HDAC4: variants seen among roughly 807,000 people sequenced by gnomAD.
HDAC4 encodes histone deacetylase 4, also known as histone deacetylase A.
Under a neutral mutation model 135.1 loss-of-function variants are expected in HDAC4, and 16 were observed. That is an observed-to-expected ratio of 0.12 (90% confidence interval 0.08 to 0.18). The LOEUF (loss-of-function observed/expected upper bound fraction) is 0.18. HDAC4 is among the 10% of genes least tolerant of loss of function. HDAC4 has a pLI of 1.00. For synonymous variants in HDAC4, 685 were observed against 653.4 expected, an observed-to-expected ratio of 1.05 and a Z score of -0.74; for missense variants, 1,143 against 1,511.8, an observed-to-expected ratio of 0.76 and a Z score of 4.05.
intron 2 of HDAC4, among the ~76,000 whole-genome samples, chr2:239,337,024 C>T (rs1397835328): frequency 6.6e-6 from 1 of 152,134 alleles, no homozygotes; most frequent in African/African-American, 2.4e-5. Context: ...AGGGTGTCTA[C>T]TGGAATTTGT....
chr2:239,231,941 T>G (rs79615686), intron 3 of HDAC4, among the ~76,000 whole-genome samples: 1 of 127,250 alleles, frequency 7.9e-6, no homozygotes, highest in East Asian at 2.3e-4. Context: ...CTCTCCTCAA[T>G]CGAGGCTGCT....
At chr2:239,326,304 T>G (rs2053468500) in intron 2 of HDAC4, among the ~76,000 whole-genome samples, 1 of 152,076 alleles carries the variant, frequency 6.6e-6, no homozygotes, top group South Asian at 2.1e-4. Context: ...AGAAGGGCCC[T>G]AGAGGAGTCA....
intron 2 of HDAC4, among the ~76,000 whole-genome samples, chr2:239,295,640 T>C (rs900885028): frequency 3.5e-4 from 53 of 152,204 alleles, no homozygotes; most frequent in African/African-American, 1.2e-3. Flanking sequence ...AATTTGCTGT[T>C]TCCTTTCAAG....
intron 2 of HDAC4, among the ~76,000 whole-genome samples, chr2:239,321,701 G>A (rs2053318730): frequency 6.6e-6 from 1 of 151,988 alleles, no homozygotes; most frequent in African/African-American, 2.4e-5. Flanking sequence ...TTTCTTCTAA[G>A]GTCTGACATT....
intron 4 of HDAC4, among the ~76,000 whole-genome samples, chr2:239,188,580 C>A (rs1376207866): frequency 6.6e-6 from 1 of 152,252 alleles, no homozygotes; most frequent in South Asian, 2.1e-4. Flanking sequence ...TGATGCCCTA[C>A]ATCTGTGCTG....
At chr2:239,284,973 T>G (rs983160437) in intron 2 of HDAC4, among the ~76,000 whole-genome samples, 1 of 152,046 alleles carries the variant, frequency 6.6e-6, no homozygotes, top group Non-Finnish European at 1.5e-5. Flanking sequence ...TGAGAGGATA[T>G]TCACAATGAA....
intron 24 of HDAC4, among the ~76,000 whole-genome samples, chr2:239,064,943 A>G (rs1205508603): frequency 6.6e-6 from 1 of 152,198 alleles, no homozygotes; most frequent in Non-Finnish European, 1.5e-5. Flanking sequence ...TTTCCAGAAC[A>G]ATGCGAACGA....
intron 9 of HDAC4, among the ~76,000 whole-genome samples, chr2:239,135,075 T>C (rs1055297806): frequency 1.8e-4 from 27 of 152,338 alleles, no homozygotes; most frequent in African/African-American, 6.3e-4. Context: ...GAAATAACAT[T>C]TAACTGTACA....
chr2:239,074,942 G>A (rs1021857525), intron 22 of HDAC4, among the ~76,000 whole-genome samples: 4 of 151,934 alleles, frequency 2.6e-5, no homozygotes, highest in African/African-American at 4.8e-5. Context: ...ACTCAGTCTC[G>A]GCCGGGCACG....
chr2:239,067,574 G>A (rs983988163), intron 23 of HDAC4, among the ~76,000 whole-genome samples: 6 of 152,250 alleles, frequency 3.9e-5, no homozygotes, highest in African/African-American at 1.4e-4. Flanking sequence ...TGTGGTGGCC[G>A]CGGTGCTCCG....
intron 15 of HDAC4, among the ~76,000 whole-genome samples, chr2:239,103,242 G>A (rs1243138324): frequency 1.3e-5 from 2 of 151,972 alleles, no homozygotes; most frequent in Non-Finnish European, 2.9e-5. Context: ...TAAAATAGAG[G>A]TGAGCTGCTG....
At position 239,108,426 on chromosome 2, in the gene HDAC4, A is replaced by G. The variant is rs3828202; in HGVS notation, c.1979-243T>C. ...CTGCCTGTCACTCATGCTCACAGTA[A>G]CGCCCCAGGACCCAGGCAGGGACGT... On this transcript the variant is annotated intron_variant, in intron 14 of 26. Transcript: ENST00000543185. 0.57 allele frequency among the ~76,000 whole-genome samples: 86,674 copies of G among 152,052 alleles called. 26,476 individuals carry two copies. The highest frequency in any genetic ancestry group is 0.76 in the South Asian group (3,671 of 4,826).
At chr2:239,333,925 A>T (rs890302920) in intron 2 of HDAC4, among the ~76,000 whole-genome samples, 3 of 152,204 alleles carry the variant, frequency 2.0e-5, no homozygotes, top group African/African-American at 7.2e-5. Flanking sequence ...TACTACTACC[A>T]ATGACTGATA....
intron 2 of HDAC4, among the ~76,000 whole-genome samples, chr2:239,281,574 G>A (rs1477630678): frequency 7.5e-6 from 1 of 133,702 alleles, no homozygotes; most frequent in African/African-American, 2.9e-5. Flanking sequence ...ACTCTACAAT[G>A]TACACACCAC....
At chr2:239,286,658 T>G (rs981339027) in intron 2 of HDAC4, among the ~76,000 whole-genome samples, 1 of 151,964 alleles carries the variant, frequency 6.6e-6, no homozygotes, top group South Asian at 2.1e-4. Context: ...AACAGGGTGC[T>G]CCACACCCAA....
At chr2:239,293,916 G>GC (rs2051689492) in intron 2 of HDAC4, among the ~76,000 whole-genome samples, 1 of 152,242 alleles carries the variant, frequency 6.6e-6, no homozygotes, top group African/African-American at 2.4e-5. Flanking sequence ...TATTTGCTAA[G>GC]CACCTGTTAG....
At chr2:239,123,386 G>A (rs1053225591) in intron 12 of HDAC4, among the ~76,000 whole-genome samples, 7 of 152,212 alleles carry the variant, frequency 4.6e-5, no homozygotes, top group Non-Finnish European at 7.3e-5. Flanking sequence ...GCTTGGGGGT[G>A]GAGGGGCATG....
At chr2:239,103,807 A>G (rs774377459) in intron 15 of HDAC4, among the ~76,000 whole-genome samples, 4 of 152,202 alleles carry the variant, frequency 2.6e-5, no homozygotes, top group Non-Finnish European at 5.9e-5. Flanking sequence ...CTCCTCTCAG[A>G]CCACCAGGAG....
chr2:239,389,519 A>C (rs922000299), intron 1 of HDAC4, among the ~76,000 whole-genome samples: 14 of 152,078 alleles, frequency 9.2e-5, no homozygotes, highest in Admixed American at 1.3e-4. Flanking sequence ...TTCATTCTTG[A>C]AGTCAGTGGG....
Sources: gnomAD v4.1 joint callset for allele counts (sites outside exome capture counted in the v4.1 genomes callset) on GRCh38, gnomAD v4.1.1 for gene constraint, MANE v1.5 for transcripts, NCBI Gene and HGNC (gene_info 2026-07-23, HGNC 2026-07-21) for gene names.